The following STAB1 variants were observed in gnomAD, a reference collection of about 807,000 sequenced individuals.
STAB1 encodes stabilin-1.
Under a neutral mutation model 332.4 loss-of-function variants are expected in STAB1, and 250 were observed. That is an observed-to-expected ratio of 0.75 (90% CI 0.68 to 0.84). The LOEUF (loss-of-function observed/expected upper bound fraction) is 0.84, where lower values mean the gene tolerates loss of function less well. Among genes scored for constraint, STAB1 ranks in the 40% least tolerant of loss-of-function variants. STAB1 has a pLI of 0.00. For missense variants in STAB1, 3,249 were observed against 3,489.7 expected (o/e 0.93, Z 1.74); for synonymous variants, 1,475 against 1,390.4 (o/e 1.06, Z -1.35).
chr3:52,496,987 C>A (rs890000261), intron 1 of STAB1, among the ~76,000 whole-genome samples: 8 of 152,216 alleles, frequency 5.3e-5, no homozygotes, highest in Non-Finnish European at 2.9e-5. Context: ...AAAATGGCAT[C>A]TCTACTGAAC....
intron 14 of STAB1, 142 bp downstream of exon 14, chr3:52,505,523 G>GC: frequency 8.3e-7 from 1 of 1,201,032 alleles, no homozygotes; most frequent in Non-Finnish European, 1.2e-6. Flanking sequence ...CAAGCCTGAG[G>GC]TTCTGTGGTA....
At chr3:52,519,227 A>G in intron 48 of STAB1, 37 bp from the exon 49 acceptor site, 1 of 1,592,972 alleles carries the variant, frequency 6.3e-7, no homozygotes, top group South Asian at 1.1e-5. Context: ...CGAGCACCCC[A>G]CCTATCTGCT....
In STAB1 at chr3:52,505,042, T is replaced by A. The variant is rs1410143121; in HGVS notation, c.1417T>A (p.Phe473Ile). The change falls in exon 13 of 69, where the codon TTC becomes ATC. Residue 473 changes from phenylalanine to isoleucine, a missense_variant. Phe to Ile is a conservative substitution (Grantham distance 21, BLOSUM62 0). Coordinates refer to ENST00000321725, the MANE Select transcript of STAB1 (RefSeq NM_015136.3). ...GTACAAAGACCAGCCCCAGCAGACG[T>A]TCAACATCTACAAGGCCAACAACAT... is the stretch of plus-strand genomic sequence containing the variant. Reference protein sequence around the residue: ...YKYKDQPQQTFNIYKANNIAA... With the variant: ...YKYKDQPQQTINIYKANNIAA... 1 of 1,613,722 alleles carries A rather than the reference T, an allele frequency of 6.2e-7. No homozygotes were observed. Among genetic ancestry groups the A allele is most frequent in the Admixed American group, 1.7e-5 (1 of 60,012 alleles).
At chr3:52,512,673 G>T (rs750131494) in intron 28 of STAB1, 30 bp downstream of exon 28, 24 of 1,613,274 alleles carry the variant, frequency 1.5e-5, no homozygotes, top group Non-Finnish European at 1.9e-5. Context: ...TGGGGTTGAG[G>T]GCTCAAATCC....
At chr3:52,516,884 C>T in intron 41 of STAB1, 100 bp from the exon 42 acceptor site, 1 of 1,597,860 alleles carries the variant, frequency 6.3e-7, no homozygotes, top group Non-Finnish European at 8.5e-7. Flanking sequence ...TCAGGACTCA[C>T]CCTTCCCTCT....
intron 10 of STAB1, 102 bp from the exon 11 acceptor site, chr3:52,504,359 C>A: frequency 7.1e-7 from 1 of 1,399,846 alleles, no homozygotes; most frequent in Non-Finnish European, 1.0e-6. Flanking sequence ...GGAGAATACC[C>A]CCACCCCAAC....
At position 52,517,033 on chromosome 3, in the gene STAB1, C is replaced by G. The variant is rs201271872; in HGVS notation, c.4413C>G (p.Asn1471Lys). 1.8e-5 allele frequency: 29 copies of G among 1,607,516 alleles called. No homozygotes were observed. The East Asian group carries it at 6.2e-4, about 35-fold the overall frequency. ...HGHGGCSPHA[N>K]CTKVAPGQRT... The stretch of plus-strand genomic sequence containing the variant: ...ATGGGGGCTGCTCCCCTCATGCCAA[C>G]TGTACCAAGGTGGCACCTGGGCAGC... Residue 1471 changes from asparagine (N) to lysine (K), a missense_variant, in exon 42 of 69, where the codon AAC (asparagine) becomes AAG (lysine). By Grantham distance (94) the Asn-to-Lys change is moderately conservative (BLOSUM62 0). Transcript: ENST00000321725.
chr3:52,521,149 C>T (rs2079058745), intron 55 of STAB1, 144 bp downstream of exon 55: 15 of 1,204,332 alleles, frequency 1.2e-5, no homozygotes, highest in Non-Finnish European at 1.7e-5. Flanking sequence ...AGCGGGAGTG[C>T]TCGGGAGAGG....
chr3:52,518,906 C>CCCCGCTCCGT, intron 48 of STAB1, 37 bp downstream of exon 48: 1 of 1,438,326 alleles, frequency 7.0e-7, no homozygotes, highest in Non-Finnish European at 9.1e-7. Context: ...CTCCATCCCG[C>CCCCGCTCCGT]CCCGCCCCGC....
Position 52,504,856 on chromosome 3 carries a change from G to A in STAB1, c.1357G>A (p.Val453Ile), listed in dbSNP as rs768179309. The A allele has an allele frequency of 3.6e-5, 58 of 1,613,582 alleles. No homozygotes were observed. The highest frequency in any genetic ancestry group is 1.2e-4 in the South Asian group (11 of 91,066). ...GACGCTGGCCGGGCAGGAGATCACC[G>A]TCACCTTTAACCAATTCACGGTGAG... ...WWTLAGQEIT[V>I]TFNQFTKYSY... The change falls in exon 12 of 69, where the codon GTC becomes ATC. Residue 453 changes from valine (V) to isoleucine (I), a missense_variant. Transcript: ENST00000321725.
Position 52,523,957 on chromosome 3 carries a change from C to A in STAB1, c.7482C>A (p.Ala2494=), listed in dbSNP as rs1220928927. The A allele has an allele frequency of 8.7e-6, 14 of 1,611,120 alleles. No homozygotes were observed. Among genetic ancestry groups the A allele is most frequent in the Middle Eastern group, 1.6e-4 (1 of 6,084 alleles). The change falls in exon 67 of 69, where the codon GCC becomes GCA. Residue 2494 remains alanine, a synonymous_variant. Transcript: ENST00000321725. ...CTGGAGCACTGCTTGGCTTGGTGGCCGGAGCTCTCTACCTCCGTGCCCGAG... is the reference window on the plus strand; with the variant it reads ...CTGGAGCACTGCTTGGCTTGGTGGCAGGAGCTCTCTACCTCCGTGCCCGAG... ...LAAGALLGLV[A]GALYLRARGK...
At position 52,520,051 on chromosome 3, in the gene STAB1, G is replaced by T; in HGVS notation, c.5343G>T (p.Trp1781Cys). 2 of 1,612,618 alleles carry T rather than the reference G, an allele frequency of 1.2e-6. No individual in the cohort carries two copies. Among genetic ancestry groups the T allele is most frequent in the South Asian group, 2.2e-5 (2 of 91,078 alleles). The change falls in exon 51 of 69, where the codon TGG becomes TGT. Residue 1781 changes from tryptophan (W) to cysteine (C), a missense_variant. By Grantham distance (215) the Trp-to-Cys change is radical (BLOSUM62 -2). Coordinates refer to ENST00000321725, the MANE Select transcript of STAB1 (RefSeq NM_015136.3). ...FRALPPDRQA[W>C]LYHEDHRDKL... The stretch of plus-strand genomic sequence containing the variant: ...CTCTGCCTCCGGATCGCCAGGCCTG[G>T]CTGTACCATGAGGACCACCGTGACA...
At chr3:52,511,380 C>T (rs1454257950) in intron 25 of STAB1, among the ~76,000 whole-genome samples, 3 of 152,180 alleles carry the variant, frequency 2.0e-5, no homozygotes, top group Non-Finnish European at 4.4e-5. Flanking sequence ...TGGCAGGGCC[C>T]CAGGCTCCAA....
At chr3:52,501,379 C>T (rs977467474) in intron 2 of STAB1, 77 bp downstream of exon 2, 80 of 1,570,616 alleles carry the variant, frequency 5.1e-5, no homozygotes, top group Admixed American at 6.8e-5. Flanking sequence ...CCTGACAGGC[C>T]CACAAAATGA....
Position 52,522,384 on chromosome 3 carries a change from C to T in STAB1, c.6520C>T (p.Leu2174=). 6.2e-7 allele frequency: 1 copy of T among 1,612,994 alleles called. No homozygotes were observed. The part of the protein sequence containing the change: ...AGYVGDGLQC[L]EESEPPVDRC... ...CTACGTAGGCGATGGACTGCAGTGT[C>T]TGGAGGAGTCGGAACCACCTGTGGA... The change falls in exon 60 of 69, where the codon CTG becomes TTG. Residue 2174 remains leucine, a synonymous_variant. Coordinates refer to ENST00000321725, the MANE Select transcript of STAB1 (RefSeq NM_015136.3).
At position 52,501,675 on chromosome 3, in the gene STAB1, A is replaced by G; in HGVS notation, c.253A>G (p.Ser85Gly). The G allele has an allele frequency of 6.3e-7, 1 of 1,577,616 alleles. No homozygotes were observed. The highest frequency in any genetic ancestry group is 8.6e-7 in the Non-Finnish European group (1 of 1,162,646). The change falls in exon 3 of 69, where the codon AGC becomes GGC. Residue 85 changes from serine (S) to glycine (G), a missense_variant. By Grantham distance (56) the Ser-to-Gly change is moderately conservative (BLOSUM62 0). Transcript: ENST00000321725. ...VQLGGSMVSMSGCRRKCRKQV... is the reference protein window; with the variant it reads ...VQLGGSMVSMGGCRRKCRKQV... ...GCTGGGGGGCTCTATGGTGTCCATGAGCGGCTGCAGACGGAAGTGCCGGAA... is the reference window on the plus strand; with the variant it reads ...GCTGGGGGGCTCTATGGTGTCCATGGGCGGCTGCAGACGGAAGTGCCGGAA...
Position 52,523,647 on chromosome 3 carries a change from T to C in STAB1, c.7291-5T>C, listed in dbSNP as rs2079158183. On this transcript the variant is annotated splice_polypyrimidine_tract_variant and splice_region_variant and intron_variant, in intron 65 of 68. Coordinates refer to ENST00000321725, the MANE Select transcript of STAB1 (RefSeq NM_015136.3). The stretch of plus-strand genomic sequence containing the variant: ...ACAGTGGGCCTGACTCTGGTCTCCC[T>C]GCAGGCCCCAGGGACAGTTGTGGTT... 6.2e-7 allele frequency: 1 copy of C among 1,612,944 alleles called. No homozygotes were observed. The highest frequency in any genetic ancestry group is 8.5e-7 in the Non-Finnish European group (1 of 1,180,000).
intron 37 of STAB1, among the ~76,000 whole-genome samples, chr3:52,515,723 C>T (rs531779952): frequency 5.9e-5 from 9 of 152,164 alleles, no homozygotes; most frequent in African/African-American, 1.7e-4. Context: ...GGAGTGGAGA[C>T]GGTGAGAGGA....
chr3:52,509,557 G>T, intron 22 of STAB1: 2 of 592,284 alleles, frequency 3.4e-6, no homozygotes, highest in South Asian at 2.0e-5. Context: ...GAAAGGAGAT[G>T]CTGTCTGCTT....
Sources: gnomAD v4.1 joint callset for allele counts (sites outside exome capture counted in the v4.1 genomes callset) on GRCh38, gnomAD v4.1.1 for gene constraint, MANE v1.5 for transcripts, NCBI Gene and HGNC (gene_info 2026-07-23, HGNC 2026-07-21) for gene names.